SLMAP: variants seen among roughly 807,000 people sequenced by gnomAD.
SLMAP encodes sarcolemma associated protein.
A neutral mutation model predicts 128.8 loss-of-function variants in SLMAP; 44 were observed. The observed-to-expected ratio is 0.34, with a 90% CI of 0.27 to 0.44. SLMAP has a LOEUF of 0.44. Ranked by LOEUF, SLMAP falls within the 20% of genes least tolerant of loss-of-function variation. The pLI, the probability that SLMAP is intolerant of heterozygous loss-of-function variation, is 1.00. For missense variants in SLMAP, 787 were observed against 985.3 expected, an observed-to-expected ratio of 0.80 and a Z score of 2.69; for synonymous variants, 327 against 348.8, an observed-to-expected ratio of 0.94 and a Z score of 0.70.
intron 14 of SLMAP, among the ~76,000 whole-genome samples, chr3:57,883,705 G>A (rs907205850): frequency 6.6e-6 from 1 of 152,092 alleles, no homozygotes; most frequent in South Asian, 2.1e-4. Flanking sequence ...TTTGGAAAAT[G>A]TGAAACATAC....
At position 57,862,096 on chromosome 3, in the gene SLMAP, T is replaced by C. The variant is rs1321958123; in HGVS notation, c.966+10T>C. On this transcript the variant is annotated intron_variant, in intron 10 of 24. Coordinates refer to ENST00000671191, the MANE Select transcript of SLMAP (RefSeq NM_001377540.1). ...ATCTGATAAATTAAAGGTATGTATT[T>C]ACTCTGCCTGAAAGTATGTTAAGCT... 1.9e-6 allele frequency: 3 copies of C among 1,554,120 alleles called. No individual in the cohort carries two copies. Among genetic ancestry groups the C allele is most frequent in the Non-Finnish European group, 2.7e-6 (3 of 1,128,584 alleles).
At chr3:57,911,905 T>C (rs931122614) in intron 19 of SLMAP, among the ~76,000 whole-genome samples, 2 of 121,074 alleles carry the variant, frequency 1.7e-5, no homozygotes, top group Non-Finnish European at 3.2e-5. Flanking sequence ...CAAGCAATTC[T>C]ACACATAGGA....
intron 3 of SLMAP, among the ~76,000 whole-genome samples, chr3:57,836,835 C>T (rs2093663408): frequency 6.6e-6 from 1 of 152,186 alleles, no homozygotes; most frequent in South Asian, 2.1e-4. Flanking sequence ...CTGGCCACTC[C>T]TCTTTTCCTG....
At chr3:57,860,580 T>A (rs2095001902) in intron 8 of SLMAP, 119 bp from the exon 9 acceptor site, 1 of 731,252 alleles carries the variant, frequency 1.4e-6, no homozygotes, top group South Asian at 3.3e-5. Context: ...CAGAATCATT[T>A]ATGTTTGGAG....
At chr3:57,857,281 T>A (rs1200066146) in intron 6 of SLMAP, among the ~76,000 whole-genome samples, 1 of 152,150 alleles carries the variant, frequency 6.6e-6, no homozygotes, top group East Asian at 1.9e-4. Flanking sequence ...CCATTTCCTA[T>A]CTGCAGGGAA....
intron 17 of SLMAP, chr3:57,898,163 C>G (rs1371126755): frequency 1.1e-4 from 16 of 152,204 alleles, no homozygotes; most frequent in Admixed American, 1.0e-3. Context: ...CTGATTTGTA[C>G]TCTTCTTAGG....
intron 2 of SLMAP, among the ~76,000 whole-genome samples, chr3:57,774,056 G>A (rs2081367532): frequency 6.6e-6 from 1 of 152,102 alleles, no homozygotes; most frequent in Admixed American, 6.6e-5. Context: ...CAAAAGGTAG[G>A]TATTAAATGA....
At chr3:57,917,147 G>A in intron 22 of SLMAP, 70 bp downstream of exon 22, 3 of 1,601,796 alleles carry the variant, frequency 1.9e-6, no homozygotes, top group Non-Finnish European at 2.6e-6. Context: ...GGATATCCAT[G>A]CTAGTTAGAA....
chr3:57,896,521 A>C lies in SLMAP; in HGVS notation c.1371A>C (p.Thr457=). 6.2e-7 allele frequency: 1 copy of C among 1,604,812 alleles called. No individual in the cohort carries two copies. The highest frequency in any genetic ancestry group is 8.5e-7 in the Non-Finnish European group (1 of 1,177,130). Reference sequence around the variant, plus strand: ...TTTTTTTCTTGGTAGAAAATCAGACAAGAGCAAAAGAATCTGATTTTTCAG... The same window carrying C: ...TTTTTTTCTTGGTAGAAAATCAGACCAGAGCAAAAGAATCTGATTTTTCAG... The part of the protein sequence containing the change: ...EETKLSKENQ[T]RAKESDFSDT... The change falls in exon 16 of 25, where the codon ACA becomes ACC. Residue 457 remains threonine (T), a synonymous_variant. Transcript: ENST00000671191.
At chr3:57,866,856 G>A (rs2095316850) in intron 13 of SLMAP, among the ~76,000 whole-genome samples, 1 of 151,746 alleles carries the variant, frequency 6.6e-6, no homozygotes, top group Non-Finnish European at 1.5e-5. Context: ...TGCAGGCGAT[G>A]GGAGTGAGAC....
At chr3:57,903,522 G>T (rs1234914437) in intron 17 of SLMAP, among the ~76,000 whole-genome samples, 1 of 152,198 alleles carries the variant, frequency 6.6e-6, no homozygotes, top group African/African-American at 2.4e-5. Context: ...TCAGAGTTCA[G>T]TTGAGCAAAG....
chr3:57,857,993 T>C, intron 7 of SLMAP, 95 bp from the exon 8 acceptor site: 1 of 959,246 alleles, frequency 1.0e-6, no homozygotes, highest in Non-Finnish European at 1.7e-6. Context: ...AGTTTTACGC[T>C]TTTATATCTT....
At chr3:57,896,783 C>G in intron 16 of SLMAP, 90 bp from the exon 17 acceptor site, 1 of 1,439,860 alleles carries the variant, frequency 6.9e-7, no homozygotes, top group Non-Finnish European at 9.4e-7. Context: ...ATAGCTGTAT[C>G]AATTCCAATT....
At chr3:57,825,500 CTTT>C (rs539901060) in intron 2 of SLMAP, among the ~76,000 whole-genome samples, 1 of 106,580 alleles carries the variant, frequency 9.4e-6, no homozygotes. Flanking sequence ...TGTGTGTTTT[CTTT>C]TTTTTTTTTT....
At chr3:57,805,262 A>G (rs893071904) in intron 2 of SLMAP, among the ~76,000 whole-genome samples, 1 of 152,120 alleles carries the variant, frequency 6.6e-6, no homozygotes, top group Non-Finnish European at 1.5e-5. Flanking sequence ...ATCATCTTAT[A>G]TATTAGAATA....
At position 57,927,487 on chromosome 3, in the gene SLMAP, A is replaced by T. The variant is rs2097030036; in HGVS notation, c.*198A>T. The T allele has an allele frequency of 1.7e-6, 1 of 572,438 alleles. No homozygotes were observed. Among genetic ancestry groups the T allele is most frequent in the African/African-American group, 1.8e-5 (1 of 54,158 alleles). 35.5% of individuals were successfully genotyped at this position (572,438 alleles called of 1,614,324 possible). A position where few individuals can be genotyped will look rare whatever the true frequency, so the allele number is the denominator to read the frequency against. Reference sequence around the variant, plus strand: ...CCATTTTCTTCCTCTTTACCTCTTAAAACAGCAGAAGTACAAGAATACAGC... The same window carrying T: ...CCATTTTCTTCCTCTTTACCTCTTATAACAGCAGAAGTACAAGAATACAGC... On this transcript the variant is annotated 3_prime_UTR_variant, in exon 25 of 25. Transcript: ENST00000671191.
chr3:57,801,897 G>T (rs1034592494), intron 2 of SLMAP, among the ~76,000 whole-genome samples: 1 of 151,920 alleles, frequency 6.6e-6, no homozygotes, highest in Non-Finnish European at 1.5e-5. Context: ...ACTCTTGGAA[G>T]CACTGAATAT....
At chr3:57,916,687 C>T (rs909736030) in intron 21 of SLMAP, among the ~76,000 whole-genome samples, 1 of 151,968 alleles carries the variant, frequency 6.6e-6, no homozygotes, top group Non-Finnish European at 1.5e-5. Context: ...AAATTTCAAC[C>T]TTTGTGTATA....
rs1215011093 is a variant in SLMAP, at chr3:57,928,831, T to G, written c.*1542T>G. 2 of 152,596 alleles carry G rather than the reference T, an allele frequency of 1.3e-5. No individual in the cohort carries two copies. The highest frequency in any genetic ancestry group is 1.3e-4 in the Admixed American group (2 of 15,270). 9.5% of individuals were successfully genotyped at this position (152,596 alleles called of 1,614,324 possible). On this transcript the variant is annotated 3_prime_UTR_variant, in exon 25 of 25. Transcript: ENST00000671191. ...GGTTATATTTTAAGCTATTTGAGAT[T>G]GCTTTTGGGAAGATCACTAGATTTA... is the stretch of plus-strand genomic sequence containing the variant.
Sources: allele counts gnomAD v4.1 joint callset (sites outside exome capture counted in the v4.1 genomes callset), GRCh38; gene constraint gnomAD v4.1.1; transcripts MANE v1.5; gene names NCBI Gene and HGNC (gene_info 2026-07-23, HGNC 2026-07-21).